CCSER1: variants seen among roughly 807,000 people sequenced by gnomAD.
CCSER1 encodes the protein serine-rich coiled-coil domain-containing protein 1.
In CCSER1, 41 loss-of-function variants were observed where a neutral mutation model predicts 82.0. That is an observed-to-expected ratio of 0.50 (90% CI 0.39 to 0.65). The LOEUF (loss-of-function observed/expected upper bound fraction) is 0.65, where lower values mean the gene tolerates loss of function less well. Among genes scored for constraint, CCSER1 ranks in the 30% least tolerant of loss-of-function variants. The pLI, the probability that CCSER1 is intolerant of heterozygous loss-of-function variation, is 0.00. For missense variants in CCSER1, 1,119 were observed against 1,064.2 expected, an observed-to-expected ratio of 1.05 and a Z score of -0.72; for synonymous variants, 414 against 383.9, an observed-to-expected ratio of 1.08 and a Z score of -0.92.
chr4:91,509,707 T>G (rs144235137), intron 10 of CCSER1, among the ~76,000 whole-genome samples: 2 of 152,178 alleles, frequency 1.3e-5, no homozygotes, highest in African/African-American at 4.8e-5. Context: ...CCTTAAATTC[T>G]TTCAGTTTTT....
intron 10 of CCSER1, among the ~76,000 whole-genome samples, chr4:91,250,133 T>G (rs368079188): frequency 1.4e-3 from 211 of 152,328 alleles, no homozygotes; most frequent in African/African-American, 4.9e-3. Flanking sequence ...GAATTTGACT[T>G]ATGTGATAGA....
At chr4:91,447,025 C>T (rs555878820) in intron 10 of CCSER1, among the ~76,000 whole-genome samples, 1 of 152,104 alleles carries the variant, frequency 6.6e-6, no homozygotes, top group African/African-American at 2.4e-5. Context: ...GTGGCTTTAG[C>T]ACAGGGACAT....
chr4:90,327,067 T>C (rs1738359107), intron 3 of CCSER1, among the ~76,000 whole-genome samples: 1 of 152,132 alleles, frequency 6.6e-6, no homozygotes, highest in Non-Finnish European at 1.5e-5. Flanking sequence ...TGCTAGGAAG[T>C]CTGTCATTAG....
At chr4:90,828,160 C>T (rs1760707540) in intron 8 of CCSER1, among the ~76,000 whole-genome samples, 1 of 152,090 alleles carries the variant, frequency 6.6e-6, no homozygotes, top group South Asian at 2.1e-4. Flanking sequence ...AAGGGGAGCT[C>T]TGAGAAAATG....
intron 5 of CCSER1, among the ~76,000 whole-genome samples, chr4:90,505,513 C>T (rs1481164002): frequency 2.0e-5 from 3 of 152,170 alleles, no homozygotes; most frequent in South Asian, 4.1e-4. Context: ...CATCAGTCAT[C>T]AGAAAAGATG....
At chr4:91,379,382 G>C (rs539509072) in intron 10 of CCSER1, among the ~76,000 whole-genome samples, 133 of 152,204 alleles carry the variant, frequency 8.7e-4, no homozygotes, top group African/African-American at 3.1e-3. Context: ...GTCTGGTCCT[G>C]GACTTTTTTT....
At chr4:90,482,971 G>T (rs551815347) in intron 5 of CCSER1, among the ~76,000 whole-genome samples, 7 of 152,190 alleles carry the variant, frequency 4.6e-5, no homozygotes, top group African/African-American at 1.7e-4. Context: ...TGACAGTGGG[G>T]TGTTAAAGTC....
chr4:90,152,874 T>C (rs1727139031), intron 1 of CCSER1, among the ~76,000 whole-genome samples: 1 of 151,834 alleles, frequency 6.6e-6, no homozygotes, highest in East Asian at 1.9e-4. Context: ...CTAGGTTTTT[T>C]TTTTTTTAAT....
rs142199335 is a variant in CCSER1 at position 91,147,681 on chromosome 4, C to T, written c.2217+61687C>T. Among the ~76,000 whole-genome samples the T allele has an allele frequency of 1.2e-4, 19 of 152,232 alleles. No individual in the cohort carries two copies. The East Asian group carries it at 1.9e-3, about 15-fold the overall frequency. On this transcript the variant is annotated intron_variant, in intron 10 of 10. Coordinates refer to ENST00000509176, the MANE Select transcript of CCSER1 (RefSeq NM_001145065.2). ...CCAGCTGTGCTGGGAGTGATGGGGG[C>T]GGGCTCTCTCCTGCTCCCAGGCAGC...
intron 8 of CCSER1, among the ~76,000 whole-genome samples, chr4:90,862,711 A>T (rs921319588): frequency 6.6e-6 from 1 of 151,820 alleles, no homozygotes; most frequent in Non-Finnish European, 1.5e-5. Context: ...GTGAGCCTTG[A>T]TTCTGTGTTA....
chr4:91,355,650 A>G (rs1336261658), intron 10 of CCSER1, among the ~76,000 whole-genome samples: 1 of 152,202 alleles, frequency 6.6e-6, no homozygotes, highest in African/African-American at 2.4e-5. Context: ...ATTTTAAGGA[A>G]AATGAGTCCC....
intron 5 of CCSER1, among the ~76,000 whole-genome samples, chr4:90,545,486 T>C (rs570117457): frequency 6.6e-6 from 1 of 152,182 alleles, no homozygotes; most frequent in Non-Finnish European, 1.5e-5. Flanking sequence ...TTGCTGAGAG[T>C]GACAGTCTCC....
At chr4:91,177,021 A>T (rs572187689) in intron 10 of CCSER1, among the ~76,000 whole-genome samples, 1 of 152,320 alleles carries the variant, frequency 6.6e-6, no homozygotes, top group Admixed American at 6.5e-5. Flanking sequence ...GAGAGTTTTT[A>T]GCATGAAGGG....
intron 10 of CCSER1, among the ~76,000 whole-genome samples, chr4:91,128,451 A>G (rs1277734898): frequency 6.6e-6 from 1 of 152,104 alleles, no homozygotes; most frequent in Non-Finnish European, 1.5e-5. Context: ...AACGACCCCC[A>G]TTAAACAAAA....
chr4:90,661,720 A>G (rs913667834), intron 6 of CCSER1, among the ~76,000 whole-genome samples: 3 of 152,054 alleles, frequency 2.0e-5, no homozygotes, highest in African/African-American at 7.2e-5. Context: ...ATCGTATGCT[A>G]TTGGTCTTAC....
chr4:90,368,257 A>G (rs926288550), intron 3 of CCSER1, among the ~76,000 whole-genome samples: 2 of 151,994 alleles, frequency 1.3e-5, no homozygotes, highest in Non-Finnish European at 2.9e-5. Flanking sequence ...ACTCCCTCCC[A>G]TGGACCCATG....
chr4:91,262,862 A>C lies in CCSER1; in HGVS notation c.2217+176868A>C, dbSNP rs538175270. Among the ~76,000 whole-genome samples, 807 of 151,786 alleles carry C rather than the reference A, an allele frequency of 5.3e-3. 6 individuals are homozygous for C. Among genetic ancestry groups the C allele is most frequent in the African/African-American group, 0.018 (759 of 41,402 alleles). On this transcript the variant is annotated intron_variant, in intron 10 of 10. Coordinates refer to ENST00000509176, the MANE Select transcript of CCSER1 (RefSeq NM_001145065.2). ...AGGCTCTTATCATATGAAAAAAAAA[A>C]CAAACATATTCAGAAGCACTTAATT...
chr4:91,478,165 T>C (rs1418534255), intron 10 of CCSER1, among the ~76,000 whole-genome samples: 1 of 152,068 alleles, frequency 6.6e-6, no homozygotes, highest in Non-Finnish European at 1.5e-5. Context: ...CCCAAGCTTT[T>C]CTAAAGTATT....
chr4:91,462,018 T>C (rs565078504), intron 10 of CCSER1, among the ~76,000 whole-genome samples: 31 of 152,266 alleles, frequency 2.0e-4, no homozygotes, highest in African/African-American at 7.0e-4. Context: ...CAGGGACCTA[T>C]TGCTGCTCAC....
Sources: gnomAD v4.1 joint callset for allele counts (sites outside exome capture counted in the v4.1 genomes callset) on GRCh38, gnomAD v4.1.1 for gene constraint, MANE v1.5 for transcripts, NCBI Gene and HGNC (gene_info 2026-07-23, HGNC 2026-07-21) for gene names.